EIF3H: variants seen among roughly 807,000 people sequenced by gnomAD.
EIF3H encodes eukaryotic translation initiation factor 3 subunit H, also known as eIF-3-gamma.
A neutral mutation model predicts 44.2 loss-of-function variants in EIF3H; 26 were observed. That is an observed-to-expected ratio of 0.59 (90% CI 0.43 to 0.82). EIF3H has a LOEUF of 0.82. EIF3H is among the 40% of genes least tolerant of loss of function. The probability of loss-of-function intolerance (pLI) is 0.00; values close to 1 mark genes in which losing one functional copy is unlikely to be tolerated. For synonymous variants in EIF3H, 166 were observed against 151.9 expected (o/e 1.09, Z -0.68); for missense variants, 359 against 432.8 (o/e 0.83, Z 1.51).
At chr8:116,647,812 C>T (rs911894739) in intron 6 of EIF3H, among the ~76,000 whole-genome samples, 1 of 151,922 alleles carries the variant, frequency 6.6e-6, no homozygotes, top group Non-Finnish European at 1.5e-5. Context: ...AATTTGATAC[C>T]CTGGATGAGT....
intron 2 of EIF3H, among the ~76,000 whole-genome samples, chr8:116,711,036 G>T (rs1814566020): frequency 6.6e-6 from 1 of 152,042 alleles, no homozygotes; most frequent in South Asian, 2.1e-4. Context: ...TTCTATTTTA[G>T]AAATTTTCTT....
At chr8:116,724,737 T>G (rs761158617) in intron 2 of EIF3H, among the ~76,000 whole-genome samples, 3 of 152,282 alleles carry the variant, frequency 2.0e-5, no homozygotes, top group Middle Eastern at 3.4e-3. Flanking sequence ...CACAATGAGA[T>G]GATCACCTCA....
At chr8:116,718,121 A>C (rs1444033074) in intron 2 of EIF3H, among the ~76,000 whole-genome samples, 3 of 152,192 alleles carry the variant, frequency 2.0e-5, no homozygotes, top group Non-Finnish European at 4.4e-5. Context: ...ACATATGAAA[A>C]AATGCTCAAC....
intron 2 of EIF3H, chr8:116,697,124 T>A (rs1016949693): frequency 2.2e-6 from 1 of 456,288 alleles, no homozygotes. Flanking sequence ...TCTCACTCTC[T>A]TAGTGTCCAA....
chr8:116,753,022 C>T (rs1375462728), intron 1 of EIF3H, among the ~76,000 whole-genome samples: 3 of 152,028 alleles, frequency 2.0e-5, no homozygotes, highest in African/African-American at 7.3e-5. Flanking sequence ...CCAGTATTCC[C>T]TGTATTAACA....
chr8:116,707,914 C>T (rs1814497970), intron 2 of EIF3H, among the ~76,000 whole-genome samples: 1 of 152,092 alleles, frequency 6.6e-6, no homozygotes, highest in African/African-American at 2.4e-5. Flanking sequence ...ATAATACATG[C>T]TTGTTTCTAA....
At position 116,751,909 on chromosome 8, in the gene EIF3H, G is replaced by A. The variant is rs1467837026; in HGVS notation, c.132+3757C>T. Among the ~76,000 whole-genome samples the A allele has an allele frequency of 2.0e-5, 3 of 152,124 alleles. No individual in the cohort carries two copies. The East Asian group carries it at 5.8e-4, about 29-fold the overall frequency. Reference sequence around the variant, plus strand: ...CCAATGTCATGCAGCAAATTTCAGAGCTGGGATTCAAATCCAAGCAGTCTG... The same window carrying A: ...CCAATGTCATGCAGCAAATTTCAGAACTGGGATTCAAATCCAAGCAGTCTG... On this transcript the variant is annotated intron_variant, in intron 1 of 7. Coordinates refer to ENST00000521861, the MANE Select transcript of EIF3H (RefSeq NM_003756.3).
intron 2 of EIF3H, among the ~76,000 whole-genome samples, chr8:116,700,095 C>T (rs1206461056): frequency 1.3e-5 from 2 of 152,148 alleles, no homozygotes; most frequent in Admixed American, 6.5e-5. Flanking sequence ...CGTGAGCCAC[C>T]GTGCCCGGCC....
At chr8:116,676,952 TA>T (rs11292299) in intron 2 of EIF3H, among the ~76,000 whole-genome samples, 43,448 of 147,310 alleles carry the variant, frequency 0.29, 7,019 homozygotes, top group East Asian at 0.45. Flanking sequence ...TGCTTTAAAA[TA>T]AAAAAAAAAA....
intron 2 of EIF3H, among the ~76,000 whole-genome samples, chr8:116,698,722 A>G (rs1014599292): frequency 6.6e-6 from 1 of 152,206 alleles, no homozygotes; most frequent in Non-Finnish European, 1.5e-5. Context: ...TGCCACTACC[A>G]ATCTCTTTCT....
chr8:116,697,190 G>T, intron 2 of EIF3H: 1 of 456,178 alleles, frequency 2.2e-6, no homozygotes, highest in South Asian at 1.5e-5. Flanking sequence ...GTGTGTGCTT[G>T]TCCCTTTTTC....
intron 4 of EIF3H, among the ~76,000 whole-genome samples, chr8:116,656,234 G>T (rs1305904311): frequency 2.0e-5 from 3 of 151,972 alleles, no homozygotes; most frequent in Non-Finnish European, 2.9e-5. Flanking sequence ...CAGAAAATGA[G>T]ATTCTTGGCA....
chr8:116,689,777 T>C lies in EIF3H; in HGVS notation c.290-30797A>G, dbSNP rs145104394. Reference sequence around the variant, plus strand: ...AAATCATCAAGAACGCTGGAAACCATGTTTATATTTATTAAAAACTCAAAT... The same window carrying C: ...AAATCATCAAGAACGCTGGAAACCACGTTTATATTTATTAAAAACTCAAAT... On this transcript the variant is annotated intron_variant, in intron 2 of 7. Coordinates refer to ENST00000521861, the MANE Select transcript of EIF3H (RefSeq NM_003756.3). Among the ~76,000 whole-genome samples, 144 of 152,322 alleles carry C rather than the reference T, an allele frequency of 9.5e-4. No homozygotes were observed. The East Asian group carries it at 0.022, about 23-fold the overall frequency.
chr8:116,765,685 G>GA, exon 1 of EIF3H: 1 of 152,324 alleles, frequency 6.6e-6, no homozygotes, highest in Non-Finnish European at 1.5e-5. Flanking sequence ...CACATAAAAA[G>GA]AGTACTTGAA....
At chr8:116,743,093 T>A (rs747867510) in intron 1 of EIF3H, among the ~76,000 whole-genome samples, 8 of 152,188 alleles carry the variant, frequency 5.3e-5, no homozygotes, top group Non-Finnish European at 8.8e-5. Context: ...TTTTAAAGGC[T>A]ACCAGTAAAC....
chr8:116,694,835 CAT>C (rs1292987381), intron 2 of EIF3H, among the ~76,000 whole-genome samples: 5 of 152,076 alleles, frequency 3.3e-5, no homozygotes, highest in Non-Finnish European at 7.4e-5. Flanking sequence ...GAGATGAAGA[CAT>C]ATACTAGCAA....
intron 2 of EIF3H, among the ~76,000 whole-genome samples, chr8:116,671,792 AAACT>A (rs1393694577): frequency 2.6e-5 from 4 of 152,346 alleles, no homozygotes; most frequent in Admixed American, 2.6e-4. Flanking sequence ...TAAATTAAAC[AAACT>A]ATCTCTGTCA....
upstream of EIF3H, among the ~76,000 whole-genome samples, chr8:116,758,354 T>C (rs2131006499): frequency 6.6e-6 from 1 of 152,206 alleles, no homozygotes; most frequent in East Asian, 1.9e-4. Flanking sequence ...TCAGAACCTA[T>C]GTGAAGAAAA....
At chr8:116,730,718 A>C (rs139444083) in intron 1 of EIF3H, among the ~76,000 whole-genome samples, 1,575 of 152,330 alleles carry the variant, frequency 0.01, 11 homozygotes, top group Non-Finnish European at 0.016. Context: ...TAAAAATGAA[A>C]GGATGATTTA....
Sources: allele counts gnomAD v4.1 joint callset (sites outside exome capture counted in the v4.1 genomes callset), GRCh38; gene constraint gnomAD v4.1.1; transcripts MANE v1.5; gene names NCBI Gene and HGNC (gene_info 2026-07-23, HGNC 2026-07-21).